Variants in ASTN1 observed in about 807,000 individuals in gnomAD.
ASTN1 encodes astrotactin 1.
In ASTN1, 41 loss-of-function variants were observed where a neutral mutation model predicts 140.7. The ratio of observed to expected loss-of-function variants is 0.29; its 90% CI spans 0.23 to 0.38. The LOEUF is 0.38. Ranked by LOEUF, ASTN1 falls within the 10% of genes least tolerant of loss-of-function variation. ASTN1 has a pLI of 1.00. For synonymous variants in ASTN1, 640 were observed against 652.2 expected (o/e 0.98, Z 0.29); for missense variants, 1,479 against 1,678.8 (o/e 0.88, Z 2.08).
intron 16 of ASTN1, among the ~76,000 whole-genome samples, chr1:176,921,524 A>G (rs1043101372): frequency 2.6e-5 from 4 of 152,228 alleles, no homozygotes; most frequent in African/African-American, 9.6e-5. Flanking sequence ...AGGAAAATAC[A>G]AAAAAGGTAG....
chr1:176,984,997 C>T (rs1370391827), intron 8 of ASTN1, among the ~76,000 whole-genome samples: 1 of 152,176 alleles, frequency 6.6e-6, no homozygotes, highest in Non-Finnish European at 1.5e-5. Context: ...AGCTCTCCCT[C>T]CCCACAGGAC....
intron 1 of ASTN1, among the ~76,000 whole-genome samples, chr1:177,078,239 A>G (rs1022042355): frequency 1.3e-5 from 2 of 152,156 alleles, no homozygotes; most frequent in Non-Finnish European, 2.9e-5. Context: ...GCTGTCCTGG[A>G]TCCAGGTCCA....
intron 21 of ASTN1, among the ~76,000 whole-genome samples, chr1:176,872,178 A>C (rs891682656): frequency 6.6e-6 from 1 of 150,704 alleles, no homozygotes. Context: ...AATAAAAGCT[A>C]TATTAAATGT....
chr1:177,032,505 G>T lies in ASTN1; in HGVS notation c.816C>A (p.Leu272=), dbSNP rs570004718. 7 of 1,613,960 alleles carry T rather than the reference G, an allele frequency of 4.3e-6. No homozygotes were observed. The South Asian group carries it at 6.6e-5, about 15-fold the overall frequency. The change falls in exon 3 of 23, where the codon CTC becomes CTA. Residue 272 remains leucine (L), a synonymous_variant. Transcript: ENST00000361833. ...EDFASQVTRT[L]DSLQGCNEKS... ...TTTCATTGCAGCCCTGCAGGGAGTC[G>T]AGGGTGCGCGTGACCTGGCTGGCAA...
intron 16 of ASTN1, among the ~76,000 whole-genome samples, chr1:176,905,413 C>T (rs958831186): frequency 3.7e-4 from 57 of 152,096 alleles, no homozygotes; most frequent in African/African-American, 1.4e-3. Context: ...AAATATTATT[C>T]AATAATAATA....
At chr1:176,870,644 T>C (rs1571434592) in intron 21 of ASTN1, among the ~76,000 whole-genome samples, 1 of 152,194 alleles carries the variant, frequency 6.6e-6, no homozygotes, top group Admixed American at 6.5e-5. Context: ...CACTGATATC[T>C]CTTGATACCA....
At chr1:176,963,622 G>C (rs770440591) in intron 9 of ASTN1, among the ~76,000 whole-genome samples, 2 of 152,208 alleles carry the variant, frequency 1.3e-5, no homozygotes, top group Non-Finnish European at 2.9e-5. Flanking sequence ...TGTGGGGATA[G>C]AAACAGTTTT....
At chr1:177,076,818 T>C (rs1169717573) in intron 1 of ASTN1, among the ~76,000 whole-genome samples, 1 of 152,140 alleles carries the variant, frequency 6.6e-6, no homozygotes, top group Admixed American at 6.5e-5. Context: ...CCACCACACC[T>C]GGCCTTAGAG....
At chr1:176,904,314 G>A (rs1453738800) in intron 16 of ASTN1, among the ~76,000 whole-genome samples, 1 of 79,448 alleles carries the variant, frequency 1.3e-5, no homozygotes, top group African/African-American at 6.3e-5. Context: ...CTCCATCGGC[G>A]TCCTGCTGTC....
At chr1:176,973,205 A>G (rs1460817246) in intron 8 of ASTN1, among the ~76,000 whole-genome samples, 1 of 151,976 alleles carries the variant, frequency 6.6e-6, no homozygotes, top group Non-Finnish European at 1.5e-5. Flanking sequence ...ATCATCTCCT[A>G]CTTTCCCAAC....
At chr1:176,994,018 CGT>C (rs66820378) in intron 8 of ASTN1, among the ~76,000 whole-genome samples, 3,121 of 74,248 alleles carry the variant, frequency 0.042, 43 homozygotes, top group Non-Finnish European at 0.063. Flanking sequence ...TGTGTGTGTA[CGT>C]GTGTGTGTGT....
chr1:177,003,430 A>G (rs528053605), intron 8 of ASTN1, among the ~76,000 whole-genome samples: 2 of 152,310 alleles, frequency 1.3e-5, no homozygotes, highest in South Asian at 4.1e-4. Context: ...AAATTTGATA[A>G]AATTTCAGCA....
intron 2 of ASTN1, among the ~76,000 whole-genome samples, chr1:177,060,467 C>T (rs1449025620): frequency 3.9e-5 from 6 of 152,156 alleles, no homozygotes; most frequent in African/African-American, 1.4e-4. Context: ...TTCTCCAATA[C>T]ACTAATTGGA....
intron 8 of ASTN1, chr1:176,981,798 A>G (rs901844362): frequency 7.2e-5 from 11 of 152,626 alleles, no homozygotes; most frequent in Non-Finnish European, 1.5e-4. Flanking sequence ...AAAACATTTG[A>G]ACTAAGAGTT....
At position 176,865,561 on chromosome 1, in the gene ASTN1, A is replaced by T. The variant is rs530131404; in HGVS notation, c.3648-1040T>A. On this transcript the variant is annotated intron_variant, in intron 22 of 22. Coordinates refer to ENST00000361833, the MANE Select transcript of ASTN1 (RefSeq NM_004319.3). ...TAACCAGAGACCCATGAAGGAAGAC[A>T]CTCTCATTTGAACAAGGTCTTGTGA... 3.2e-4 allele frequency among the ~76,000 whole-genome samples: 49 copies of T among 152,288 alleles called. No individual in the cohort carries two copies. In the South Asian group the frequency reaches 1.0e-2, roughly 31 times the overall value.
intron 16 of ASTN1, among the ~76,000 whole-genome samples, chr1:176,899,284 C>G (rs12141483): frequency 6.6e-6 from 1 of 152,050 alleles, no homozygotes; most frequent in African/African-American, 2.4e-5. Context: ...GTGCACATGG[C>G]CTTAGGCATG....
intron 20 of ASTN1, among the ~76,000 whole-genome samples, chr1:176,877,379 G>C (rs1668610588): frequency 6.6e-6 from 1 of 152,134 alleles, no homozygotes. Context: ...CTCTTGGCTT[G>C]CCTGTGGCTA....
chr1:177,007,649 T>C (rs1675064186), intron 8 of ASTN1, among the ~76,000 whole-genome samples: 1 of 152,154 alleles, frequency 6.6e-6, no homozygotes, highest in Non-Finnish European at 1.5e-5. Flanking sequence ...GGTAGACGTC[T>C]GAAATCAGAA....
At chr1:177,102,332 C>G (rs1015806997) in intron 1 of ASTN1, among the ~76,000 whole-genome samples, 6 of 152,112 alleles carry the variant, frequency 3.9e-5, no homozygotes, top group Admixed American at 1.3e-4. Flanking sequence ...GAGAAGGAAG[C>G]AAACTCTGAG....
Sources: gnomAD v4.1 joint callset for allele counts (sites outside exome capture counted in the v4.1 genomes callset) on GRCh38, gnomAD v4.1.1 for gene constraint, MANE v1.5 for transcripts, NCBI Gene and HGNC (gene_info 2026-07-23, HGNC 2026-07-21) for gene names.